SMARCA2: variants seen among roughly 807,000 people sequenced by gnomAD.
The protein encoded by SMARCA2 is SWI/SNF related BAF chromatin remodeling complex subunit ATPase 2.
In SMARCA2, 61 loss-of-function variants were observed where a neutral mutation model predicts 199.8. The observed-to-expected ratio is 0.31, with a 90% CI of 0.25 to 0.38. The LOEUF (loss-of-function observed/expected upper bound fraction) is 0.38, where lower values mean the gene tolerates loss of function less well. SMARCA2 is among the 10% of genes least tolerant of loss of function. SMARCA2 has a pLI of 1.00. For synonymous variants in SMARCA2, 935 were observed against 732.0 expected, an observed-to-expected ratio of 1.28 and a Z score of -4.48; for missense variants, 1,344 against 2,012.2, an observed-to-expected ratio of 0.67 and a Z score of 6.35.
rs534441610 is a variant in SMARCA2, at chr9:2,168,878, G to A, written c.4200-1541G>A. Among the ~76,000 whole-genome samples the A allele has an allele frequency of 2.4e-4, 37 of 152,204 alleles. No individual in the cohort carries two copies. The South Asian group carries it at 6.2e-3, about 26-fold the overall frequency. On this transcript the variant is annotated intron_variant, in intron 28 of 33. Coordinates refer to ENST00000349721, the MANE Select transcript of SMARCA2 (RefSeq NM_003070.5). ...CAGAACCCACTGAGTTGTAATCTGC[G>A]TCAGTCTTAGATGACAGAGCCATAC...
intron 4 of SMARCA2, among the ~76,000 whole-genome samples, chr9:2,046,999 T>G (rs977958710): frequency 9.9e-5 from 15 of 151,976 alleles, no homozygotes; most frequent in Admixed American, 5.9e-4. Context: ...TTTCTGTGTC[T>G]TTTTCCTTCT....
intron 29 of SMARCA2, among the ~76,000 whole-genome samples, chr9:2,175,890 G>GT (rs1826552427): frequency 2.0e-5 from 3 of 151,702 alleles, no homozygotes; most frequent in Admixed American, 2.0e-4. Context: ...TTGTTTGTTT[G>GT]TTTTTTGAGA....
rs1359357350 is a variant in SMARCA2, at chr9:2,169,856, T to A, written c.4200-563T>A. Reference sequence around the variant, plus strand: ...GTTTATTTTCATTTCCCACTAAAGATCATGAATTCAGTGATCTCTCGAAAA... The same window carrying A: ...GTTTATTTTCATTTCCCACTAAAGAACATGAATTCAGTGATCTCTCGAAAA... On this transcript the variant is annotated intron_variant, in intron 28 of 33. Coordinates refer to ENST00000349721, the MANE Select transcript of SMARCA2 (RefSeq NM_003070.5). This position sits in a 1 kb window ranked among gnomAD's most constrained non-coding sequence, Gnocchi z 6.5. Among the ~76,000 whole-genome samples the A allele has an allele frequency of 1.3e-5, 2 of 152,104 alleles. No homozygotes were observed. The highest frequency in any genetic ancestry group is 2.9e-5 in the Non-Finnish European group (2 of 68,006).
intron 19 of SMARCA2, among the ~76,000 whole-genome samples, chr9:2,093,660 A>G (rs1822154622): frequency 6.6e-6 from 1 of 152,238 alleles, no homozygotes; most frequent in African/African-American, 2.4e-5. Context: ...AAAGGAGTGC[A>G]GGTTGAAATC....
intron 5 of SMARCA2, among the ~76,000 whole-genome samples, chr9:2,050,071 T>G (rs570090182): frequency 6.6e-6 from 1 of 152,350 alleles, no homozygotes; most frequent in African/African-American, 2.4e-5. Flanking sequence ...TTAAATTTTT[T>G]TAACGTTTAA....
chr9:2,134,444 C>G (rs1443159337), intron 27 of SMARCA2, among the ~76,000 whole-genome samples: 2 of 152,200 alleles, frequency 1.3e-5, no homozygotes, highest in African/African-American at 4.8e-5. Flanking sequence ...CCTATACTCA[C>G]TTGGTTATTA....
At chr9:2,155,358 C>T (rs999357504) in intron 27 of SMARCA2, among the ~76,000 whole-genome samples, 3 of 152,128 alleles carry the variant, frequency 2.0e-5, no homozygotes, top group Non-Finnish European at 2.9e-5. Context: ...TCTCGGCTCA[C>T]TGCAGCCTCC....
chr9:2,095,649 T>C (rs1822245514), intron 19 of SMARCA2, among the ~76,000 whole-genome samples: 1 of 152,230 alleles, frequency 6.6e-6, no homozygotes, highest in South Asian at 2.1e-4. Context: ...CTATTAATTG[T>C]GCTTCCATGT....
intron 1 of SMARCA2, among the ~76,000 whole-genome samples, chr9:2,021,663 C>G (rs368402991): frequency 7.5e-4 from 114 of 152,214 alleles, no homozygotes; most frequent in Middle Eastern, 3.4e-3. Flanking sequence ...TTGTGCTATA[C>G]TAAAAGACCA....
At chr9:2,146,388 A>G (rs561480172) in intron 27 of SMARCA2, among the ~76,000 whole-genome samples, 1 of 152,174 alleles carries the variant, frequency 6.6e-6, no homozygotes, top group African/African-American at 2.4e-5. Context: ...CGAAATCAGG[A>G]TGGGTAGGAT....
Position 2,110,513 on chromosome 9 carries a change from T to C in SMARCA2, c.3456+96T>C. The C allele has an allele frequency of 1.0e-6, 1 of 970,638 alleles. No homozygotes were observed. Among genetic ancestry groups the C allele is most frequent in the Non-Finnish European group, 1.5e-6 (1 of 686,052 alleles). 60.1% of individuals were successfully genotyped at this position (970,638 alleles called of 1,614,324 possible). The stretch of plus-strand genomic sequence containing the variant: ...TCACATTTACAGGACAGAGCAAATA[T>C]CTAAACGAGTGGGCTGTTGCTTTCT... On this transcript the variant is annotated intron_variant, in intron 24 of 33. Transcript: ENST00000349721. This position sits in a 1 kb window ranked among gnomAD's most constrained non-coding sequence, Gnocchi z 4.8.
At position 2,058,482 on chromosome 9, in the gene SMARCA2, G is replaced by A; in HGVS notation, c.1521+18G>A. On this transcript the variant is annotated intron_variant, in intron 8 of 33. Coordinates refer to ENST00000349721, the MANE Select transcript of SMARCA2 (RefSeq NM_003070.5). ...GACTGATGGTAAGGAACTCCCTGCA[G>A]GAGCCCAGGAAACTACTCAACCCAC... 1 of 1,610,826 alleles carries A rather than the reference G, an allele frequency of 6.2e-7. No individual in the cohort carries two copies. Among genetic ancestry groups the A allele is most frequent in the South Asian group, 1.1e-5 (1 of 90,926 alleles).
chr9:2,127,785 T>G (rs908285054), intron 27 of SMARCA2, among the ~76,000 whole-genome samples: 2 of 152,232 alleles, frequency 1.3e-5, no homozygotes, highest in African/African-American at 4.8e-5. Flanking sequence ...TTATGGTCAC[T>G]TTCTTTGCCA....
chr9:2,172,020 A>T (rs1826273237), intron 29 of SMARCA2, among the ~76,000 whole-genome samples: 1 of 152,218 alleles, frequency 6.6e-6, no homozygotes, highest in Non-Finnish European at 1.5e-5. Flanking sequence ...TAATTTCCAG[A>T]GACATAGCAG....
chr9:2,054,696 A>C lies in SMARCA2; in HGVS notation c.1146A>C (p.Ala382=), dbSNP rs913009062. 1 of 1,614,124 alleles carries C rather than the reference A, an allele frequency of 6.2e-7. No homozygotes were observed. Residue 382 remains alanine (A), a synonymous_variant, in exon 6 of 34, where the codon GCA becomes GCC. Coordinates refer to ENST00000349721, the MANE Select transcript of SMARCA2 (RefSeq NM_003070.5). ...CCAAAGCAACCGTGGAACTAAAAGC[A>C]CTTCGGTTACTCAATTTCCAGCGTC... The part of the protein sequence containing the change: ...LRTKATVELK[A]LRLLNFQRQL...
intron 4 of SMARCA2, 159 bp downstream of exon 4, chr9:2,040,059 C>G (rs1369656059): frequency 2.9e-6 from 4 of 1,363,312 alleles, no homozygotes; most frequent in Admixed American, 2.5e-5. Context: ...GGCCAAGATT[C>G]TTGGTCTTCC....
At chr9:2,167,662 C>T (rs904976864) in intron 28 of SMARCA2, among the ~76,000 whole-genome samples, 6 of 152,218 alleles carry the variant, frequency 3.9e-5, no homozygotes, top group African/African-American at 1.2e-4. Context: ...ATTTAATAAG[C>T]CCTTGTGGTA....
At chr9:2,082,863 C>T (rs888952805) in intron 15 of SMARCA2, among the ~76,000 whole-genome samples, 1 of 152,112 alleles carries the variant, frequency 6.6e-6, no homozygotes, top group Non-Finnish European at 1.5e-5. Flanking sequence ...CTATATTTTG[C>T]GTGTTCTGAA....
At chr9:2,181,751 T>A (rs1469074231) in intron 30 of SMARCA2, 75 bp downstream of exon 30, 1 of 839,238 alleles carries the variant, frequency 1.2e-6, no homozygotes, top group Admixed American at 1.9e-5. Context: ...ATGGTTGTAG[T>A]TGGAGCTGAC....
Sources: allele counts gnomAD v4.1 joint callset (sites outside exome capture counted in the v4.1 genomes callset), GRCh38; gene constraint gnomAD v4.1.1; non-coding constraint Gnocchi (gnomAD v3.1); transcripts MANE v1.5; gene names NCBI Gene and HGNC (gene_info 2026-07-23, HGNC 2026-07-21).